The following GGT1 variants were observed in gnomAD, a reference collection of about 807,000 sequenced individuals.
GGT1 encodes the protein gamma-glutamyltransferase 1.
Under a neutral mutation model 56.0 loss-of-function variants are expected in GGT1, and 21 were observed. That is an observed-to-expected ratio of 0.38 (90% CI 0.27 to 0.54). The LOEUF (loss-of-function observed/expected upper bound fraction) is 0.54. Among genes scored for constraint, GGT1 ranks in the 20% least tolerant of loss-of-function variants. The pLI, the probability that GGT1 is intolerant of heterozygous loss-of-function variation, is 0.82. For synonymous variants in GGT1, 238 were observed against 342.6 expected, an observed-to-expected ratio of 0.69 and a Z score of 3.37; for missense variants, 466 against 787.0, an observed-to-expected ratio of 0.59 and a Z score of 4.88.
chr22:24,621,196 A>T, intron 9 of GGT1, 126 bp downstream of exon 9: 1 of 1,468,064 alleles, frequency 6.8e-7, no homozygotes, highest in South Asian at 1.4e-5. Context: ...GAGGAGGGTC[A>T]GTGACTGGCC....
rs898145781 is a variant in GGT1, at chr22:24,614,628, A to AG, written c.165-148_165-147insG. On this transcript the variant is annotated intron_variant, in intron 5 of 15. Transcript: ENST00000400382. ...AGACTCCATCTCAAAAAAAAAAAAA[A>AG]AAAGAAAGAAAGAAACTAAAAACAA... 33 of 719,702 alleles carry AG rather than the reference A, an allele frequency of 4.6e-5. No individual in the cohort carries two copies. In the African/African-American group the frequency reaches 5.1e-4, roughly 11 times the overall value. The allele number at this position is 719,702 out of a possible 1,614,324, so 44.6% of individuals were successfully genotyped here.
Position 24,628,146 on chromosome 22 carries a change from G to A in GGT1, c.1402G>A (p.Val468Met). Reference sequence around the variant, plus strand: ...GGGCCAGGACGGCCAGGTCCGGATGGTGGTGGGAGCTGCTGGGGGCACACA... The same window carrying A: ...GGGCCAGGACGGCCAGGTCCGGATGATGGTGGGAGCTGCTGGGGGCACACA... Reference protein sequence around the residue: ...MVGQDGQVRMVVGAAGGTQIT... With the variant: ...MVGQDGQVRMMVGAAGGTQIT... The change falls in exon 14 of 16, where the codon GTG becomes ATG. Residue 468 changes from valine to methionine, a missense_variant. Around this residue, in one of 2 missense-constraint regions of GGT1, gnomAD observed 456 missense variants for 716.7 expected, o/e 0.64. Transcript: ENST00000400382. The surrounding 1 kb of genome is among the most constrained non-coding windows in gnomAD (Gnocchi z 5.7). The A allele has an allele frequency of 1.2e-6, 2 of 1,612,006 alleles. No homozygotes were observed. The highest frequency in any genetic ancestry group is 1.7e-6 in the Non-Finnish European group (2 of 1,179,850).
chr22:24,587,094 A>T, the GGT1 span, among the ~76,000 whole-genome samples: 1 of 152,320 alleles, frequency 6.6e-6, no homozygotes, highest in Middle Eastern at 3.4e-3. Context: ...TCAAACTGAG[A>T]TGCTCTGACT....
At chr22:24,619,575 GACAA>G (rs75934300) in intron 7 of GGT1, among the ~76,000 whole-genome samples, 54,304 of 150,374 alleles carry the variant, frequency 0.36, 9,660 homozygotes, top group Middle Eastern at 0.51. Flanking sequence ...TCTCAAAACA[GACAA>G]ACAAACAAAA....
At chr22:24,586,106 C>T in the GGT1 span, 1 of 1,612,914 alleles carries the variant, frequency 6.2e-7, no homozygotes, top group Non-Finnish European at 8.5e-7. Context: ...CAGGTCCACC[C>T]AAGCCAAAGC....
the GGT1 span, chr22:24,586,113 A>C: frequency 6.2e-7 from 1 of 1,613,112 alleles, no homozygotes; most frequent in Non-Finnish European, 8.5e-7. Flanking sequence ...ACCCAAGCCA[A>C]AGCAGGGAAC....
chr22:24,590,360 G>T (rs2045533524), upstream of GGT1, among the ~76,000 whole-genome samples: 1 of 152,126 alleles, frequency 6.6e-6, no homozygotes, highest in African/African-American at 2.4e-5. Context: ...TCAAACTCCT[G>T]GGCTCAAGCG....
At chr22:24,587,413 G>C in the GGT1 span, among the ~76,000 whole-genome samples, 1 of 152,192 alleles carries the variant, frequency 6.6e-6, no homozygotes, top group Non-Finnish European at 1.5e-5. Context: ...AGGCCTTTTG[G>C]GGGACTGACA....
chr22:24,611,642 G>T (rs2147335524), intron 5 of GGT1, among the ~76,000 whole-genome samples: 1 of 151,730 alleles, frequency 6.6e-6, no homozygotes, highest in Admixed American at 6.6e-5. Context: ...GTTTTGCTCT[G>T]TTGCCAGGCT....
At position 24,628,036 on chromosome 22, in the gene GGT1, G is replaced by A. The variant is rs570885226; in HGVS notation, c.1337-45G>A. 3 of 1,611,190 alleles carry A rather than the reference G, an allele frequency of 1.9e-6. No homozygotes were observed. The highest frequency in any genetic ancestry group is 2.2e-5 in the East Asian group (1 of 44,848). On this transcript the variant is annotated intron_variant, in intron 13 of 15. Transcript: ENST00000400382. The surrounding 1 kb of genome is among the most constrained non-coding windows in gnomAD (Gnocchi z 5.7). ...GGGGTGGAGAGGGGCGGGTGTCCTG[G>A]GCAGGCAGCTGACGGGCATCCCTGT...
chr22:24,612,633 T>G (rs2046793320), intron 5 of GGT1, among the ~76,000 whole-genome samples: 1 of 151,682 alleles, frequency 6.6e-6, no homozygotes, highest in African/African-American at 2.4e-5. Flanking sequence ...TTCAGGTGAT[T>G]CTCCTGCCTC....
the GGT1 span, among the ~76,000 whole-genome samples, chr22:24,583,991 C>A: frequency 6.6e-6 from 1 of 152,242 alleles, no homozygotes. Flanking sequence ...GGCCGGCTCT[C>A]ATACCGTTTT....
At chr22:24,616,379 A>G (rs1044731005) in intron 7 of GGT1, among the ~76,000 whole-genome samples, 1 of 149,286 alleles carries the variant, frequency 6.7e-6, no homozygotes, top group Non-Finnish European at 1.5e-5. Context: ...ATGCCACTGC[A>G]CTCCAGTCTG....
the GGT1 span, among the ~76,000 whole-genome samples, chr22:24,584,812 C>T: frequency 1.3e-5 from 2 of 152,094 alleles, no homozygotes; most frequent in South Asian, 2.1e-4. Flanking sequence ...ATTCCTTTCC[C>T]GCCTGCCCTG....
chr22:24,603,215 C>G lies in GGT1; in HGVS notation c.-741C>G, dbSNP rs1173622622. 6.6e-6 allele frequency: 1 copy of G among 151,656 alleles called. No homozygotes were observed. Among genetic ancestry groups the G allele is most frequent in the East Asian group, 1.9e-4 (1 of 5,130 alleles). 9.4% of individuals were successfully genotyped at this position (151,656 alleles called of 1,614,324 possible). A position where few individuals can be genotyped will look rare whatever the true frequency, so the allele number is the denominator to read the frequency against. ...TTGGTTTTGGTGTGCTGCTGGATGA[C>G]CAGACCGGGCGTCGGGTGAGCCCAG... On this transcript the variant is annotated 5_prime_UTR_variant, in exon 1 of 16. Coordinates refer to ENST00000400382, the MANE Select transcript of GGT1 (RefSeq NM_001288833.2).
the GGT1 span, chr22:24,585,834 A>G: frequency 3.4e-6 from 5 of 1,478,698 alleles, no homozygotes; most frequent in South Asian, 1.3e-5. Context: ...GCCCACTATC[A>G]TGTGCTTGAG....
intron 7 of GGT1, among the ~76,000 whole-genome samples, chr22:24,618,007 C>G (rs2047178378): frequency 6.6e-6 from 1 of 152,020 alleles, no homozygotes; most frequent in Non-Finnish European, 1.5e-5. Context: ...GTGGGGGTCA[C>G]CAGAGAACTT....
upstream of GGT1, among the ~76,000 whole-genome samples, chr22:24,599,697 G>A (rs529604240): frequency 7.9e-5 from 12 of 152,290 alleles, no homozygotes; most frequent in South Asian, 2.3e-3. Context: ...GCTTGGGCAC[G>A]TCCACCTGGC....
chr22:24,601,390 G>A (rs73152527), upstream of GGT1, among the ~76,000 whole-genome samples: 2,644 of 152,288 alleles, frequency 0.017, 37 homozygotes, highest in Middle Eastern at 0.031. Context: ...TGGGGGTGGG[G>A]CTGCAATGAG....
Sources: allele counts gnomAD v4.1 joint callset (sites outside exome capture counted in the v4.1 genomes callset), GRCh38; gene constraint gnomAD v4.1.1; regional missense constraint gnomAD v4.1.1; non-coding constraint Gnocchi (gnomAD v3.1); transcripts MANE v1.5; gene names NCBI Gene and HGNC (gene_info 2026-07-23, HGNC 2026-07-21).